The following AGBL1 variants were observed in gnomAD, a reference collection of about 807,000 sequenced individuals.
AGBL1 encodes the protein cytosolic carboxypeptidase 4.
Under a neutral mutation model 118.9 loss-of-function variants are expected in AGBL1, and 130 were observed. That is an observed-to-expected ratio of 1.09 (90% CI 0.95 to 1.26). The LOEUF (loss-of-function observed/expected upper bound fraction) is 1.26, where lower values mean the gene tolerates loss of function less well. Among genes scored for constraint, AGBL1 ranks in the 50% most tolerant of loss-of-function variants. AGBL1 has a pLI of 0.00. For missense variants in AGBL1, 1,584 were observed against 1,298.1 expected, an observed-to-expected ratio of 1.22 and a Z score of -3.38; for synonymous variants, 555 against 478.9, an observed-to-expected ratio of 1.16 and a Z score of -2.08.
intron 23 of AGBL1, among the ~76,000 whole-genome samples, chr15:86,957,038 AC>A (rs2141679310): frequency 6.6e-6 from 1 of 152,242 alleles, no homozygotes; most frequent in Non-Finnish European, 1.5e-5. Context: ...ATGACATGAA[AC>A]ATTAGAGGTG....
rs950981953 is a variant in AGBL1, at chr15:86,118,686, A to G, written c.52-23318A>G. On this transcript the variant is annotated intron_variant, in intron 1 of 22. Coordinates refer to ENST00000614907, the MANE Select transcript of AGBL1 (RefSeq NM_001386094.1). ...ATTAAGGGAGGTGATGGGGCAGGAA[A>G]TAGGAGTTCTTCTCTTGGATTCTGT... Among the ~76,000 whole-genome samples, 9 of 152,024 alleles carry G rather than the reference A, an allele frequency of 5.9e-5. No individual in the cohort carries two copies. The East Asian group carries it at 1.7e-3, about 30-fold the overall frequency.
chr15:86,800,852 C>T (rs2078639397), intron 22 of AGBL1, among the ~76,000 whole-genome samples: 1 of 152,066 alleles, frequency 6.6e-6, no homozygotes, highest in Non-Finnish European at 1.5e-5. Flanking sequence ...AAAAAGAGAA[C>T]TAAGCTATCT....
intron 18 of AGBL1, among the ~76,000 whole-genome samples, chr15:86,398,453 A>G (rs767783491): frequency 3.5e-4 from 54 of 152,200 alleles, no homozygotes; most frequent in Admixed American, 1.3e-4. Flanking sequence ...AACTGAAAAC[A>G]TTGAAGGAAA....
intron 17 of AGBL1, among the ~76,000 whole-genome samples, chr15:86,330,916 A>C (rs1482949865): frequency 2.0e-5 from 3 of 152,280 alleles, no homozygotes; most frequent in Admixed American, 6.5e-5. Flanking sequence ...GACAAAAATA[A>C]AGAAAAAAGA....
At chr15:86,390,732 T>C (rs1451084052) in intron 17 of AGBL1, among the ~76,000 whole-genome samples, 1 of 136,720 alleles carries the variant, frequency 7.3e-6, no homozygotes, top group East Asian at 2.6e-4. Flanking sequence ...TGCAGTGGTG[T>C]GATCTTGGCT....
intron 5 of AGBL1, among the ~76,000 whole-genome samples, chr15:86,186,141 T>C (rs2077629212): frequency 6.6e-6 from 1 of 152,034 alleles, no homozygotes; most frequent in Non-Finnish European, 1.5e-5. Flanking sequence ...TATCACGCGT[T>C]CTGTTCTTAC....
chr15:86,688,150 G>GA (rs1444510960), intron 22 of AGBL1, among the ~76,000 whole-genome samples: 1 of 152,140 alleles, frequency 6.6e-6, no homozygotes, highest in Non-Finnish European at 1.5e-5. Context: ...AGCTAAAGGG[G>GA]AAGGCACATT....
At chr15:86,744,406 C>T (rs1176658888) in intron 22 of AGBL1, among the ~76,000 whole-genome samples, 1 of 152,052 alleles carries the variant, frequency 6.6e-6, no homozygotes, top group African/African-American at 2.4e-5. Flanking sequence ...GAAACAAGGC[C>T]AAGTGATCTG....
At chr15:86,325,944 G>A (rs1368868911) in intron 17 of AGBL1, among the ~76,000 whole-genome samples, 1 of 152,072 alleles carries the variant, frequency 6.6e-6, no homozygotes, top group African/African-American at 2.4e-5. Flanking sequence ...AAAATTCCAA[G>A]CCTTCCTACA....
intron 1 of AGBL1, chr15:86,105,400 C>A (rs1896998605): frequency 6.6e-6 from 1 of 152,174 alleles, no homozygotes; most frequent in Non-Finnish European, 1.5e-5. Context: ...AATTACCTTA[C>A]CTGGGGCTAG....
Position 86,541,720 on chromosome 15 carries a change from G to A in AGBL1, c.2686-4282G>A, listed in dbSNP as rs143155885. On this transcript the variant is annotated intron_variant, in intron 19 of 22. Coordinates refer to ENST00000614907, the MANE Select transcript of AGBL1 (RefSeq NM_001386094.1). The stretch of plus-strand genomic sequence containing the variant: ...GTAGCAATAGTAACTGAGGAGACTA[G>A]CTTTCCCCTGCTGGAAAATTCTGTA... 3.1e-3 allele frequency among the ~76,000 whole-genome samples: 475 copies of A among 151,636 alleles called. 2 individuals carry two copies. The highest frequency in any genetic ancestry group is 0.011 in the African/African-American group (464 of 41,292).
At chr15:86,840,637 G>T (rs527632831) in intron 22 of AGBL1, among the ~76,000 whole-genome samples, 3 of 152,066 alleles carry the variant, frequency 2.0e-5, no homozygotes, top group Admixed American at 1.3e-4. Context: ...TACAGACGGG[G>T]TTTCACCATG....
chr15:86,295,339 A>G lies in AGBL1; in HGVS notation c.2305A>G (p.Asn769Asp), dbSNP rs779748526. 56 of 1,613,150 alleles carry G rather than the reference A, an allele frequency of 3.5e-5. No homozygotes were observed. Among genetic ancestry groups the G allele is most frequent in the South Asian group, 1.9e-4 (17 of 91,006 alleles). ...QDVLCQTLGG[N>D]PCPLVTITAM... Reference sequence around the variant, plus strand: ...TGTTCTCTGCCAGACGCTGGGAGGGAATCCGTGTCCCTTGGTGACCATCAC... The same window carrying G: ...TGTTCTCTGCCAGACGCTGGGAGGGGATCCGTGTCCCTTGGTGACCATCAC... Residue 769 changes from asparagine to aspartate, a missense_variant, in exon 17 of 23, where the codon AAT (asparagine) becomes GAT (aspartate). Asn to Asp is a conservative substitution (Grantham distance 23, BLOSUM62 1). Transcript: ENST00000614907.
intron 21 of AGBL1, among the ~76,000 whole-genome samples, chr15:86,585,710 G>T (rs1596291229): frequency 1.3e-5 from 2 of 152,070 alleles, no homozygotes; most frequent in East Asian, 3.9e-4. Context: ...ATAAACAAAG[G>T]GTTAGAGAAA....
intron 17 of AGBL1, chr15:86,305,223 A>C (rs906016233): frequency 2.6e-5 from 4 of 152,182 alleles, no homozygotes; most frequent in African/African-American, 9.6e-5. Context: ...TGAGTTTGCT[A>C]TTAAAATTCC....
intron 18 of AGBL1, among the ~76,000 whole-genome samples, chr15:86,419,843 G>T (rs1008137981): frequency 2.0e-5 from 3 of 152,150 alleles, no homozygotes; most frequent in African/African-American, 4.8e-5. Flanking sequence ...AAACAAAGCC[G>T]CCCAGAAGTT....
intron 22 of AGBL1, among the ~76,000 whole-genome samples, chr15:86,753,093 C>T (rs2077879446): frequency 6.6e-6 from 1 of 152,046 alleles, no homozygotes; most frequent in African/African-American, 2.4e-5. Flanking sequence ...AAATTTGTTA[C>T]CCTTCTATCT....
chr15:86,377,856 GTAT>G (rs2081061045), intron 17 of AGBL1, among the ~76,000 whole-genome samples: 1 of 152,102 alleles, frequency 6.6e-6, no homozygotes, highest in African/African-American at 2.4e-5. Context: ...ACGTGAGCAG[GTAT>G]TATTCGTATG....
intron 18 of AGBL1, among the ~76,000 whole-genome samples, chr15:86,426,542 C>G (rs1308796853): frequency 6.6e-6 from 1 of 152,174 alleles, no homozygotes; most frequent in Non-Finnish European, 1.5e-5. Flanking sequence ...TCAACTTCAG[C>G]CAGATGGAAC....
Sources: allele counts gnomAD v4.1 joint callset (sites outside exome capture counted in the v4.1 genomes callset), GRCh38; gene constraint gnomAD v4.1.1; transcripts MANE v1.5; gene names NCBI Gene and HGNC (gene_info 2026-07-23, HGNC 2026-07-21).